SLC35H1: variants seen among roughly 807,000 people sequenced by gnomAD.
The protein encoded by SLC35H1 is ovarian cancer-overexpressed gene 1 protein.
At chr20:46,349,235 C>T in the SLC35H1 span, 1 of 152,260 alleles carries the variant, frequency 6.6e-6, no homozygotes, top group South Asian at 2.1e-4. Context: ...CTCCCATGGC[C>T]CGGGAACCAG....
the SLC35H1 span, among the ~76,000 whole-genome samples, chr20:46,361,731 A>G: frequency 6.6e-6 from 1 of 152,238 alleles, no homozygotes; most frequent in Admixed American, 6.5e-5. Context: ...GCCATATGTC[A>G]CCTGAGGATC....
chr20:46,355,194 G>A, the SLC35H1 span: 3 of 1,613,946 alleles, frequency 1.9e-6, no homozygotes, highest in Non-Finnish European at 8.5e-7. The surrounding 1 kb of genome is among the most constrained non-coding windows in gnomAD (Gnocchi z 4.8). Context: ...AGGTGAACAT[G>A]AAGAGACCCC....
At chr20:46,363,371 A>G in the SLC35H1 span, among the ~76,000 whole-genome samples, 1 of 152,204 alleles carries the variant, frequency 6.6e-6, no homozygotes, top group Non-Finnish European at 1.5e-5. Context: ...AGACTCATAT[A>G]TCTAACTGCC....
At chr20:46,349,999 A>G in the SLC35H1 span, 1 of 157,898 alleles carries the variant, frequency 6.3e-6, no homozygotes, top group African/African-American at 2.4e-5. Context: ...CTCTGAGAAA[A>G]GACACTGCCC....
chr20:46,356,670 G>A, the SLC35H1 span: 7 of 1,603,156 alleles, frequency 4.4e-6, no homozygotes, highest in Admixed American at 5.1e-5. Flanking sequence ...AGGACAGCTT[G>A]GGAGGTCCAC....
At chr20:46,350,677 G>A in the SLC35H1 span, 233 of 1,337,816 alleles carry the variant, frequency 1.7e-4, no homozygotes, top group Non-Finnish European at 2.1e-4. Context: ...CAGAGCCACC[G>A]GGCACACTTC....
the SLC35H1 span, chr20:46,357,888 G>C: frequency 8.6e-7 from 1 of 1,165,212 alleles, no homozygotes; most frequent in Non-Finnish European, 1.2e-6. Context: ...GGTTCATGAG[G>C]ACCTTGCTAT....
At chr20:46,355,098 C>G in the SLC35H1 span, 13 of 1,614,150 alleles carry the variant, frequency 8.1e-6, no homozygotes, top group Admixed American at 1.7e-5. The surrounding 1 kb of genome is among the most constrained non-coding windows in gnomAD (Gnocchi z 4.8). Flanking sequence ...GCAGGAGCAT[C>G]TGGGTGAGGG....
chr20:46,346,887 CAAAAAAAAAA>C, the SLC35H1 span: 1 of 114,298 alleles, frequency 8.7e-6, no homozygotes, highest in African/African-American at 3.4e-5. Context: ...AACTCCATGT[CAAAAAAAAAA>C]AAAAAAAAGC....
At chr20:46,350,211 C>A in the SLC35H1 span, 13 of 611,390 alleles carry the variant, frequency 2.1e-5, no homozygotes, top group African/African-American at 2.2e-4. Context: ...CTGGTGCTCG[C>A]CCCTTGTGTG....
the SLC35H1 span, chr20:46,355,100 G>A: frequency 6.2e-7 from 1 of 1,614,144 alleles, no homozygotes; most frequent in Non-Finnish European, 8.5e-7. This position sits in a 1 kb window ranked among gnomAD's most constrained non-coding sequence, Gnocchi z 4.8. Context: ...AGGAGCATCT[G>A]GGTGAGGGTC....
At chr20:46,351,641 G>C in the SLC35H1 span, among the ~76,000 whole-genome samples, 5 of 152,266 alleles carry the variant, frequency 3.3e-5, no homozygotes, top group Admixed American at 2.0e-4. Flanking sequence ...GACACCGCCA[G>C]TCAATCACGG....
the SLC35H1 span, chr20:46,351,990 G>C: frequency 6.4e-7 from 1 of 1,558,154 alleles, no homozygotes; most frequent in South Asian, 1.2e-5. Flanking sequence ...GAAGCTGCTG[G>C]TGAGAAACCC....
chr20:46,350,279 G>A, the SLC35H1 span: 1 of 1,331,470 alleles, frequency 7.5e-7, no homozygotes, highest in African/African-American at 1.5e-5. Flanking sequence ...CCCACCACCT[G>A]GTGACTCCCG....
At chr20:46,351,998 C>T in the SLC35H1 span, 5 of 1,585,262 alleles carry the variant, frequency 3.2e-6, no homozygotes, top group Non-Finnish European at 4.3e-6. Flanking sequence ...TGGTGAGAAA[C>T]CCCTGGGGGC....
At chr20:46,359,906 C>T in the SLC35H1 span, among the ~76,000 whole-genome samples, 2 of 152,218 alleles carry the variant, frequency 1.3e-5, no homozygotes, top group South Asian at 2.1e-4. Flanking sequence ...TTCCATTCTG[C>T]ACTCTGGAAC....
chr20:46,357,929 G>A, the SLC35H1 span, among the ~76,000 whole-genome samples: 2 of 152,120 alleles, frequency 1.3e-5, no homozygotes, highest in Non-Finnish European at 2.9e-5. Context: ...CGGTATCATC[G>A]CTTGGAATGA....
At chr20:46,353,569 G>A in the SLC35H1 span, among the ~76,000 whole-genome samples, 1 of 152,246 alleles carries the variant, frequency 6.6e-6, no homozygotes, top group East Asian at 1.9e-4. Flanking sequence ...CAGCCTCACA[G>A]TGTAGGACAT....
the SLC35H1 span, chr20:46,349,647 T>G: frequency 1.3e-5 from 2 of 152,562 alleles, no homozygotes; most frequent in Non-Finnish European, 2.9e-5. Context: ...ACAGACAGGT[T>G]AGGTCATTTG....
Sources: gnomAD v4.1 joint callset for allele counts (sites outside exome capture counted in the v4.1 genomes callset) on GRCh38, gnomAD v4.1.1 for gene constraint, Gnocchi (gnomAD v3.1) non-coding constraint, MANE v1.5 for transcripts, NCBI Gene and HGNC (gene_info 2026-07-23, HGNC 2026-07-21) for gene names.